Variants in THEMIS observed in about 807,000 individuals in gnomAD.
THEMIS encodes thymocyte selection associated.
A neutral mutation model predicts 52.6 loss-of-function variants in THEMIS; 37 were observed. The observed-to-expected ratio is 0.70, with a 90% confidence interval of 0.54 to 0.93. THEMIS has a LOEUF of 0.93. Ranked by LOEUF, THEMIS falls within the 40% of genes least tolerant of loss-of-function variation. The probability of loss-of-function intolerance (pLI) is 0.00; values close to 1 mark genes in which losing one functional copy is unlikely to be tolerated. For synonymous variants in THEMIS, 292 were observed against 272.7 expected (o/e 1.07, Z -0.70); for missense variants, 808 against 763.1 (o/e 1.06, Z -0.69).
At chr6:127,703,035 G>GGTTTTTTTTTTTTTTTTTTTTTTTTTT in the THEMIS span, among the ~76,000 whole-genome samples, 9 of 82,352 alleles carry the variant, frequency 1.1e-4, no homozygotes, top group Non-Finnish European at 1.7e-4. Context: ...TTTAGAATGA[G>GGTTTTTTTTTTTTTTTTTTTTTTTTTT]TTTTTTTTTT....
intron 2 of THEMIS, among the ~76,000 whole-genome samples, chr6:127,838,833 T>C (rs1389695320): frequency 2.6e-5 from 4 of 152,242 alleles, no homozygotes; most frequent in Admixed American, 2.6e-4. Context: ...TTCTGAGCTA[T>C]AAACAAATGC....
At chr6:127,908,338 A>C (rs1386420857) in intron 1 of THEMIS, among the ~76,000 whole-genome samples, 2 of 152,146 alleles carry the variant, frequency 1.3e-5, no homozygotes, top group African/African-American at 4.8e-5. Flanking sequence ...ACAGTTCAGG[A>C]ACTTCAAGAA....
chr6:127,730,148 T>C (rs1346391889), intron 4 of THEMIS, among the ~76,000 whole-genome samples: 1 of 151,842 alleles, frequency 6.6e-6, no homozygotes, highest in Non-Finnish European at 1.5e-5. Context: ...GTGCCTGTAG[T>C]CCCAGCTACT....
At chr6:127,778,715 C>T (rs1454069190) in intron 4 of THEMIS, among the ~76,000 whole-genome samples, 1 of 151,884 alleles carries the variant, frequency 6.6e-6, no homozygotes, top group Non-Finnish European at 1.5e-5. Context: ...TTTCATTTTC[C>T]TTATGTGTGC....
At chr6:127,716,624 G>A (rs1038850116) in intron 5 of THEMIS, among the ~76,000 whole-genome samples, 2 of 151,890 alleles carry the variant, frequency 1.3e-5, no homozygotes, top group African/African-American at 2.4e-5. Context: ...ACCTGCTTCT[G>A]GGACTCTGCC....
intron 1 of THEMIS, among the ~76,000 whole-genome samples, chr6:127,866,959 T>TTATTTATC (rs1779999999): frequency 6.7e-6 from 1 of 149,926 alleles, no homozygotes; most frequent in African/African-American, 2.4e-5. Flanking sequence ...TTTTATTTAT[T>TTATTTATC]TATTTATTTA....
At chr6:127,806,615 G>A (rs962503582) in intron 4 of THEMIS, among the ~76,000 whole-genome samples, 17 of 152,238 alleles carry the variant, frequency 1.1e-4, no homozygotes, top group African/African-American at 3.9e-4. Context: ...ATGAAGACTT[G>A]TTCATTGTTT....
At chr6:127,822,857 A>G (rs2114639700) in intron 3 of THEMIS, among the ~76,000 whole-genome samples, 1 of 152,194 alleles carries the variant, frequency 6.6e-6, no homozygotes, top group South Asian at 2.1e-4. Context: ...AGAGAAAAGG[A>G]AATTCTCCCT....
At chr6:127,915,515 A>G (rs1781503102) in intron 1 of THEMIS, among the ~76,000 whole-genome samples, 1 of 151,336 alleles carries the variant, frequency 6.6e-6, no homozygotes, top group Non-Finnish European at 1.5e-5. Flanking sequence ...AGGGCAAATA[A>G]AGATGATGGG....
At chr6:127,893,420 T>C (rs980034163) in intron 1 of THEMIS, among the ~76,000 whole-genome samples, 25 of 152,158 alleles carry the variant, frequency 1.6e-4, no homozygotes, top group Non-Finnish European at 3.4e-4. Flanking sequence ...ACATCATACC[T>C]CAAGGTTGTG....
At chr6:127,745,623 T>C (rs1280553261) in intron 4 of THEMIS, among the ~76,000 whole-genome samples, 2 of 151,884 alleles carry the variant, frequency 1.3e-5, no homozygotes, top group African/African-American at 4.8e-5. Flanking sequence ...ATGTTCTCTT[T>C]AGTGCAATGG....
intron 4 of THEMIS, among the ~76,000 whole-genome samples, chr6:127,723,162 T>C (rs532920915): frequency 1.2e-4 from 18 of 152,198 alleles, no homozygotes; most frequent in African/African-American, 4.3e-4. Flanking sequence ...GGATCTGAGA[T>C]CCACTGATCC....
At chr6:127,865,169 T>G (rs758527028) in intron 1 of THEMIS, among the ~76,000 whole-genome samples, 1 of 152,120 alleles carries the variant, frequency 6.6e-6, no homozygotes, top group South Asian at 2.1e-4. Context: ...ACTCATACAG[T>G]GTGGCCAAGG....
intron 3 of THEMIS, among the ~76,000 whole-genome samples, chr6:127,817,187 C>CAATGTCTAG (rs1319131378): frequency 3.3e-5 from 5 of 152,076 alleles, no homozygotes; most frequent in African/African-American, 4.8e-5. Flanking sequence ...TTTTCTTCAT[C>CAATGTCTAG]AATGTCTAGA....
intron 1 of THEMIS, among the ~76,000 whole-genome samples, chr6:127,857,998 C>T (rs1779674486): frequency 6.6e-6 from 1 of 151,966 alleles, no homozygotes; most frequent in Non-Finnish European, 1.5e-5. Flanking sequence ...TCTAACGTAG[C>T]CCATTTCAGC....
chr6:127,907,568 G>A (rs1781307515), intron 1 of THEMIS, among the ~76,000 whole-genome samples: 2 of 151,582 alleles, frequency 1.3e-5, no homozygotes, highest in Non-Finnish European at 2.9e-5. Flanking sequence ...AATGAAATAT[G>A]CTAATTTCCC....
intron 4 of THEMIS, among the ~76,000 whole-genome samples, chr6:127,738,785 C>T (rs1775094947): frequency 6.6e-6 from 1 of 152,096 alleles, no homozygotes; most frequent in Admixed American, 6.6e-5. Flanking sequence ...GGTTTTCTGT[C>T]TAGGACATTT....
In THEMIS at chr6:127,719,697, C is replaced by T; in HGVS notation, c.1885G>A (p.Ala629Thr). ...ATAGTCACATCAGTACCTGCTATTG[C>T]TGTGGCCCCACGGTTGCTCCTTTCT... ...EKERSNRGATAIAETFKNEKH... is the reference protein window; with the variant it reads ...EKERSNRGATTIAETFKNEKH... The change falls in exon 5 of 6, where the codon GCA (alanine) becomes ACA (threonine). Residue 629 changes from alanine to threonine, a missense_variant. Coordinates refer to ENST00000368248, the MANE Select transcript of THEMIS (RefSeq NM_001010923.3). 6.2e-7 allele frequency: 1 copy of T among 1,611,004 alleles called. No homozygotes were observed. The highest frequency in any genetic ancestry group is 8.5e-7 in the Non-Finnish European group (1 of 1,178,360).
At chr6:127,756,985 T>A (rs1775847374) in intron 4 of THEMIS, among the ~76,000 whole-genome samples, 1 of 152,164 alleles carries the variant, frequency 6.6e-6, no homozygotes, top group South Asian at 2.1e-4. Flanking sequence ...ATCAAAAATA[T>A]CTGTACTTCA....
Sources: allele counts gnomAD v4.1 joint callset (sites outside exome capture counted in the v4.1 genomes callset), GRCh38; gene constraint gnomAD v4.1.1; transcripts MANE v1.5; gene names NCBI Gene and HGNC (gene_info 2026-07-23, HGNC 2026-07-21).